Variants in SMIM23 observed in about 807,000 individuals in gnomAD.
The protein encoded by SMIM23 is CTB-78H18.1.
SMIM23 carries 10 observed loss-of-function variants against 12.8 expected under a neutral mutation model. That is an observed-to-expected ratio of 0.78 (90% CI 0.48 to 1.32). The LOEUF (loss-of-function observed/expected upper bound fraction) is 1.32, where lower values mean the gene tolerates loss of function less well. SMIM23 is among the 40% of genes most tolerant of loss of function. SMIM23 has a pLI of 0.00. For missense variants in SMIM23, 184 were observed against 198.2 expected (o/e 0.93, Z 0.43); for synonymous variants, 78 against 80.1 (o/e 0.97, Z 0.14).
At chr5:171,789,078 G>C (rs1452198053) in intron 1 of SMIM23, among the ~76,000 whole-genome samples, 2 of 152,248 alleles carry the variant, frequency 1.3e-5, no homozygotes, top group Non-Finnish European at 2.9e-5. Context: ...GACCTCAGGT[G>C]ATCACCACGG....
upstream of SMIM23, among the ~76,000 whole-genome samples, chr5:171,778,482 CACACACACACAGAT>C (rs759438382): frequency 7.5e-4 from 111 of 148,886 alleles, no homozygotes; most frequent in Non-Finnish European, 1.3e-3. Context: ...CACACACACA[CACACACACACAGAT>C]AGAGACAGAG....
intron 1 of SMIM23, among the ~76,000 whole-genome samples, chr5:171,786,453 G>A (rs1241547181): frequency 6.6e-6 from 1 of 152,192 alleles, no homozygotes; most frequent in Non-Finnish European, 1.5e-5. Flanking sequence ...CTCGTTCACA[G>A]AGGGTAATCT....
chr5:171,779,389 T>C (rs562108061), upstream of SMIM23, among the ~76,000 whole-genome samples: 1 of 152,344 alleles, frequency 6.6e-6, no homozygotes, highest in East Asian at 1.9e-4. Context: ...CCTGTATGCA[T>C]CTGAGTTTGC....
the SMIM23 span, chr5:171,773,563 C>G: frequency 1.2e-5 from 4 of 337,660 alleles, no homozygotes; most frequent in African/African-American, 4.4e-5. Flanking sequence ...GGTGCCCTCA[C>G]GGGGCAGACT....
Position 171,790,565 on chromosome 5 carries a change from A to C in SMIM23, c.225+16A>C. 3 of 1,535,884 alleles carry C rather than the reference A, an allele frequency of 2.0e-6. No homozygotes were observed. Among genetic ancestry groups the C allele is most frequent in the Non-Finnish European group, 2.6e-6 (3 of 1,146,300 alleles). On this transcript the variant is annotated intron_variant, in intron 3 of 3. Coordinates refer to ENST00000523047, the MANE Select transcript of SMIM23 (RefSeq NM_001289970.2). ...AGTTCCCCAGGTAACATGTCCAGCA[A>C]GGTACTGAGGTGAGGCAATCTGGGA...
intron 1 of SMIM23, among the ~76,000 whole-genome samples, chr5:171,788,520 A>G (rs928769439): frequency 2.0e-5 from 3 of 152,146 alleles, no homozygotes; most frequent in African/African-American, 7.2e-5. Flanking sequence ...AAAGAATAAA[A>G]GAGGATTATT....
upstream of SMIM23, among the ~76,000 whole-genome samples, chr5:171,780,124 T>G (rs1295626585): frequency 6.6e-6 from 1 of 152,134 alleles, no homozygotes; most frequent in Non-Finnish European, 1.5e-5. Context: ...CTCCACTTAT[T>G]AGGTTTGGGG....
At chr5:171,783,353 A>G (rs775694328), upstream of SMIM23, among the ~76,000 whole-genome samples, 1 of 152,224 alleles carries the variant, frequency 6.6e-6, no homozygotes, top group Non-Finnish European at 1.5e-5. Flanking sequence ...CAATCTTGAC[A>G]AAGAAAAACA....
chr5:171,789,830 C>T (rs565328204), intron 1 of SMIM23, among the ~76,000 whole-genome samples: 2 of 152,122 alleles, frequency 1.3e-5, no homozygotes, highest in African/African-American at 2.4e-5. Flanking sequence ...TCTAAGATGA[C>T]GGAAATGCTC....
upstream of SMIM23, among the ~76,000 whole-genome samples, chr5:171,780,514 A>G (rs1469689076): frequency 6.6e-6 from 1 of 152,134 alleles, no homozygotes; most frequent in Admixed American, 6.5e-5. Context: ...TCCTAGAAAA[A>G]TGTGACTGTA....
the SMIM23 span, among the ~76,000 whole-genome samples, chr5:171,773,336 G>A: frequency 3.3e-5 from 5 of 152,238 alleles, no homozygotes; most frequent in South Asian, 6.2e-4. Flanking sequence ...CCAGTCTTAC[G>A]TCCACCATGG....
chr5:171,783,743 A>G (rs561340387), upstream of SMIM23, among the ~76,000 whole-genome samples: 2 of 152,386 alleles, frequency 1.3e-5, no homozygotes, highest in South Asian at 4.1e-4. Flanking sequence ...GCAAAAGTCC[A>G]TGTGATGAAG....
chr5:171,774,170 T>C, the SMIM23 span, among the ~76,000 whole-genome samples: 7 of 152,318 alleles, frequency 4.6e-5, no homozygotes, highest in South Asian at 1.4e-3. Context: ...CATTAGCTGT[T>C]ACTGTCCTAA....
the SMIM23 span, among the ~76,000 whole-genome samples, chr5:171,772,981 A>G: frequency 2.2e-3 from 338 of 152,338 alleles, no homozygotes; most frequent in African/African-American, 7.5e-3. Context: ...TTGAAATGCC[A>G]GCAGCGAGTT....
intron 1 of SMIM23, among the ~76,000 whole-genome samples, chr5:171,789,324 C>T (rs994178711): frequency 6.6e-6 from 1 of 152,216 alleles, no homozygotes; most frequent in Non-Finnish European, 1.5e-5. Flanking sequence ...AAAATGGGGA[C>T]ACATATAGTT....
chr5:171,775,221 C>CCACCT, the SMIM23 span, among the ~76,000 whole-genome samples: 1 of 152,196 alleles, frequency 6.6e-6, no homozygotes, highest in Non-Finnish European at 1.5e-5. Context: ...GGGCCCTTGG[C>CCACCT]CACCTTCTTT....
chr5:171,786,297 A>C (rs1755816165), intron 1 of SMIM23, among the ~76,000 whole-genome samples: 1 of 152,158 alleles, frequency 6.6e-6, no homozygotes, highest in Admixed American at 6.5e-5. Context: ...TGAACTGATA[A>C]TACTCCTGAA....
intron 1 of SMIM23, among the ~76,000 whole-genome samples, chr5:171,789,277 C>T (rs1246759813): frequency 6.6e-6 from 1 of 152,212 alleles, no homozygotes; most frequent in African/African-American, 2.4e-5. Flanking sequence ...GCTCATTTGG[C>T]TCAATATTTA....
the SMIM23 span, chr5:171,774,648 T>C: frequency 4.9e-6 from 2 of 409,518 alleles, no homozygotes; most frequent in Non-Finnish European, 9.5e-6. Context: ...TCCTTTGAAC[T>C]TGGTCTCAAG....
Sources: gnomAD v4.1 joint callset for allele counts (sites outside exome capture counted in the v4.1 genomes callset) on GRCh38, gnomAD v4.1.1 for gene constraint, MANE v1.5 for transcripts, NCBI Gene and HGNC (gene_info 2026-07-23, HGNC 2026-07-21) for gene names.